The following UQCC1 variants were observed in gnomAD, a reference collection of about 807,000 sequenced individuals.
UQCC1 encodes the protein ubiquinol-cytochrome c reductase complex assembly factor 1.
UQCC1 carries 38 observed loss-of-function variants against 48.0 expected under a neutral mutation model. That is an observed-to-expected ratio of 0.79 (90% CI 0.61 to 1.04). UQCC1 has a LOEUF of 1.04. UQCC1 is among the 50% of genes least tolerant of loss of function. The pLI, the probability that UQCC1 is intolerant of heterozygous loss-of-function variation, is 0.00. For missense variants in UQCC1, 368 were observed against 381.8 expected, an observed-to-expected ratio of 0.96 and a Z score of 0.30; for synonymous variants, 111 against 129.2, an observed-to-expected ratio of 0.86 and a Z score of 0.95.
At chr20:35,362,344 T>C (rs1026412550) in intron 6 of UQCC1, among the ~76,000 whole-genome samples, 3 of 152,156 alleles carry the variant, frequency 2.0e-5, no homozygotes, top group Non-Finnish European at 2.9e-5. Context: ...GTGAATGCCA[T>C]GATATGAAAC....
intron 4 of UQCC1, 48 bp from the exon 5 acceptor site, chr20:35,374,304 T>TTC: frequency 7.0e-7 from 1 of 1,436,754 alleles, no homozygotes; most frequent in African/African-American, 1.4e-5. Flanking sequence ...CAAGTGGATG[T>TTC]TCTACTTCCA....
chr20:35,319,808 T>C (rs1029642501), intron 7 of UQCC1, among the ~76,000 whole-genome samples: 8 of 152,226 alleles, frequency 5.3e-5, no homozygotes, highest in African/African-American at 1.9e-4. Context: ...TTTAAAGAGA[T>C]GCCAGTTCAT....
chr20:35,345,704 G>GA (rs1226210199), intron 7 of UQCC1: 1 of 151,954 alleles, frequency 6.6e-6, no homozygotes, highest in East Asian at 1.9e-4. Flanking sequence ...AGACTGGGGG[G>GA]AAAAAAGACA....
chr20:35,338,887 A>ATT (rs1292517109), intron 7 of UQCC1, among the ~76,000 whole-genome samples: 1 of 77,530 alleles, frequency 1.3e-5, no homozygotes, highest in Non-Finnish European at 2.2e-5. Flanking sequence ...AAAAAAAAAA[A>ATT]AAAAAATATA....
At chr20:35,305,575 C>T (rs1196300571) in intron 9 of UQCC1, among the ~76,000 whole-genome samples, 8 of 152,232 alleles carry the variant, frequency 5.3e-5, no homozygotes, top group Admixed American at 2.0e-4. Context: ...CTGGCCATGC[C>T]GTGCCCTCTC....
chr20:35,393,030 A>G (rs1036647978), intron 2 of UQCC1, among the ~76,000 whole-genome samples: 13 of 152,058 alleles, frequency 8.5e-5, no homozygotes, highest in African/African-American at 2.9e-4. Context: ...AAACAAAGAA[A>G]TACAAGGTAA....
chr20:35,364,823 T>C (rs1284808390), intron 6 of UQCC1, among the ~76,000 whole-genome samples: 1 of 152,222 alleles, frequency 6.6e-6, no homozygotes, highest in Non-Finnish European at 1.5e-5. Context: ...ACAGGGATTA[T>C]ATATTTTATT....
At chr20:35,369,071 G>A (rs1296678921) in intron 5 of UQCC1, among the ~76,000 whole-genome samples, 1 of 152,206 alleles carries the variant, frequency 6.6e-6, no homozygotes, top group Non-Finnish European at 1.5e-5. Context: ...CTGTTCAATT[G>A]CTACCTCTAC....
chr20:35,342,891 TG>T lies in UQCC1; in HGVS notation c.573+4272del, dbSNP rs891698413. On this transcript the variant is annotated intron_variant, in intron 7 of 9. Coordinates refer to ENST00000374385, the MANE Select transcript of UQCC1 (RefSeq NM_018244.5). ...TTTGTACCAGCTTCACGATGATATA[TG>T]AGTCTGCTCCATTTTTCACAATAGT... Among the ~76,000 whole-genome samples, 28 of 152,364 alleles carry T rather than the reference TG, an allele frequency of 1.8e-4. 1 individual carries two copies. The highest frequency in any genetic ancestry group is 6.5e-4 in the African/African-American group (27 of 41,588).
rs377310316 is a variant in UQCC1 at position 35,347,150 on chromosome 20, C to T, written c.573+14G>A. The T allele has an allele frequency of 6.8e-6, 11 of 1,614,080 alleles. No homozygotes were observed. Among genetic ancestry groups the T allele is most frequent in the Non-Finnish European group, 9.3e-6 (11 of 1,180,050 alleles). On this transcript the variant is annotated intron_variant, in intron 7 of 9. Coordinates refer to ENST00000374385, the MANE Select transcript of UQCC1 (RefSeq NM_018244.5). ...GGAATTGTCCAGGACAAGCATCTGA[C>T]AGCACTCACTTACCCCCATGACTCT... is the stretch of plus-strand genomic sequence containing the variant.
chr20:35,382,519 T>C (rs998936424), intron 3 of UQCC1, among the ~76,000 whole-genome samples: 2 of 142,074 alleles, frequency 1.4e-5, no homozygotes, highest in East Asian at 2.0e-4. Flanking sequence ...TTTCTTTTTT[T>C]TTTTTTTTTT....
intron 5 of UQCC1, among the ~76,000 whole-genome samples, chr20:35,371,487 A>G (rs537427705): frequency 1.2e-4 from 18 of 151,648 alleles, no homozygotes; most frequent in African/African-American, 4.1e-4. Context: ...AGAGGCACCC[A>G]CCACCATGCC....
Position 35,374,173 on chromosome 20 carries a change from C to A in UQCC1, c.406+11G>T. The A allele has an allele frequency of 1.9e-6, 3 of 1,603,896 alleles. No homozygotes were observed. Among genetic ancestry groups the A allele is most frequent in the Non-Finnish European group, 2.6e-6 (3 of 1,172,160 alleles). On this transcript the variant is annotated intron_variant, in intron 5 of 9. Transcript: ENST00000374385. ...TGTTCTCCTTTTCAGTACTATCAAA[C>A]AATAACTTACTTAGAAAGAATTCCT...
At chr20:35,367,112 A>AT (rs1388124034) in intron 5 of UQCC1, among the ~76,000 whole-genome samples, 1 of 149,724 alleles carries the variant, frequency 6.7e-6, no homozygotes, top group Non-Finnish European at 1.5e-5. Context: ...AAAAAAAACA[A>AT]ACAAAAAAAC....
At chr20:35,306,990 G>C (rs1341316480) in intron 8 of UQCC1, 3 of 590,300 alleles carry the variant, frequency 5.1e-6, no homozygotes. Flanking sequence ...CATACAGAGG[G>C]AGAACAGGGG....
intron 1 of UQCC1, among the ~76,000 whole-genome samples, chr20:35,408,814 C>T (rs1233783209): frequency 6.6e-6 from 1 of 151,324 alleles, no homozygotes; most frequent in African/African-American, 2.4e-5. Flanking sequence ...ATGATTGAGC[C>T]ACTACACTTC....
chr20:35,359,127 A>G (rs1451691292), intron 6 of UQCC1, among the ~76,000 whole-genome samples: 1 of 152,196 alleles, frequency 6.6e-6, no homozygotes, highest in African/African-American at 2.4e-5. Flanking sequence ...GAAGCTATCA[A>G]TCCTGCCTTA....
At chr20:35,338,828 G>A (rs1456006929) in intron 7 of UQCC1, among the ~76,000 whole-genome samples, 1 of 122,612 alleles carries the variant, frequency 8.2e-6, no homozygotes, top group Non-Finnish European at 1.6e-5. Context: ...CTCCAGACCG[G>A]GCGAGAAAGC....
At chr20:35,322,621 C>A (rs759475624) in intron 7 of UQCC1, among the ~76,000 whole-genome samples, 39 of 152,084 alleles carry the variant, frequency 2.6e-4, no homozygotes, top group Non-Finnish European at 4.9e-4. Flanking sequence ...GTAGTCCCAG[C>A]TACTCAGGAG....
Sources: gnomAD v4.1 joint callset for allele counts (sites outside exome capture counted in the v4.1 genomes callset) on GRCh38, gnomAD v4.1.1 for gene constraint, MANE v1.5 for transcripts, NCBI Gene and HGNC (gene_info 2026-07-23, HGNC 2026-07-21) for gene names.